The following SPIDR variants were observed in gnomAD, a reference collection of about 807,000 sequenced individuals.
SPIDR encodes the protein DNA repair-scaffolding protein.
In SPIDR, 93 loss-of-function variants were observed where a neutral mutation model predicts 104.6. The observed-to-expected ratio is 0.89, with a 90% CI of 0.75 to 1.06. The LOEUF (loss-of-function observed/expected upper bound fraction) is 1.06. Among genes scored for constraint, SPIDR ranks in the 50% least tolerant of loss-of-function variants. SPIDR has a pLI of 0.00. For synonymous variants in SPIDR, 431 were observed against 416.9 expected (o/e 1.03, Z -0.41); for missense variants, 1,154 against 1,111.2 (o/e 1.04, Z -0.55).
chr8:47,412,468 C>T lies in SPIDR; in HGVS notation c.877+4507C>T, dbSNP rs562598968. On this transcript the variant is annotated intron_variant, in intron 7 of 19. Coordinates refer to ENST00000297423, the MANE Select transcript of SPIDR (RefSeq NM_001080394.4). ...GTGTGGTAACTCTCCTCTTCAAGTCCGATAAAAAGAATGCTTTCTTTCCAA... is the reference window on the plus strand; with the variant it reads ...GTGTGGTAACTCTCCTCTTCAAGTCTGATAAAAAGAATGCTTTCTTTCCAA... Among the ~76,000 whole-genome samples the T allele has an allele frequency of 1.2e-4, 19 of 152,198 alleles. No individual in the cohort carries two copies. The East Asian group carries it at 1.4e-3, about 11-fold the overall frequency.
At chr8:47,349,861 C>T (rs1237225620) in intron 5 of SPIDR, among the ~76,000 whole-genome samples, 1 of 152,206 alleles carries the variant, frequency 6.6e-6, no homozygotes, top group African/African-American at 2.4e-5. Flanking sequence ...CCCGATTTTC[C>T]AGGGACCATC....
At chr8:47,659,496 C>G (rs1055629659) in intron 10 of SPIDR, among the ~76,000 whole-genome samples, 1 of 152,170 alleles carries the variant, frequency 6.6e-6, no homozygotes, top group African/African-American at 2.4e-5. Context: ...ACTTTGGGAG[C>G]GCAGAGGCTG....
chr8:47,634,263 C>A (rs2067538713), intron 10 of SPIDR, among the ~76,000 whole-genome samples: 2 of 152,074 alleles, frequency 1.3e-5, no homozygotes, highest in South Asian at 4.2e-4. Context: ...ACCAGCCTGG[C>A]CAAGATGGTG....
chr8:47,612,359 C>A (rs1226829589), intron 10 of SPIDR, among the ~76,000 whole-genome samples: 2 of 152,186 alleles, frequency 1.3e-5, no homozygotes, highest in Non-Finnish European at 2.9e-5. Flanking sequence ...AAGTGGGAAA[C>A]TGCAGTGACA....
intron 1 of SPIDR, among the ~76,000 whole-genome samples, chr8:47,275,843 G>A (rs1434646826): frequency 6.6e-6 from 1 of 151,844 alleles, no homozygotes; most frequent in African/African-American, 2.4e-5. Flanking sequence ...TGTGTTTTTT[G>A]TTTTTGTTTT....
chr8:47,305,716 AG>A (rs2042983277), intron 5 of SPIDR, among the ~76,000 whole-genome samples: 3 of 152,174 alleles, frequency 2.0e-5, no homozygotes, highest in African/African-American at 7.2e-5. Flanking sequence ...TTTAATAGTG[AG>A]TTAGAATAAA....
chr8:47,653,149 C>G (rs188505579), intron 10 of SPIDR, among the ~76,000 whole-genome samples: 5 of 152,128 alleles, frequency 3.3e-5, no homozygotes, highest in Non-Finnish European at 7.4e-5. Flanking sequence ...AGGCTTTATT[C>G]CCTCCAAGAA....
chr8:47,608,812 C>T (rs2063281716), intron 10 of SPIDR, among the ~76,000 whole-genome samples: 1 of 152,250 alleles, frequency 6.6e-6, no homozygotes, highest in Non-Finnish European at 1.5e-5. Flanking sequence ...CAACCTCGGC[C>T]TCCTGGTTCC....
At chr8:47,314,240 C>T (rs1484962416) in intron 5 of SPIDR, among the ~76,000 whole-genome samples, 1 of 151,606 alleles carries the variant, frequency 6.6e-6, no homozygotes, top group African/African-American at 2.4e-5. Flanking sequence ...CTAGAACAAA[C>T]ACTGGAAAAG....
intron 8 of SPIDR, among the ~76,000 whole-genome samples, chr8:47,583,969 C>T (rs1217426904): frequency 1.3e-5 from 2 of 152,198 alleles, no homozygotes; most frequent in Non-Finnish European, 2.9e-5. Context: ...TTCCCAGTCC[C>T]CTGTCACCGT....
At chr8:47,299,629 A>G (rs1299262830) in intron 5 of SPIDR, among the ~76,000 whole-genome samples, 1 of 152,214 alleles carries the variant, frequency 6.6e-6, no homozygotes, top group African/African-American at 2.4e-5. Flanking sequence ...CGTCCCATCA[A>G]TACCTAATTT....
In SPIDR at chr8:47,335,643, G is replaced by T. The variant is rs532142164; in HGVS notation, c.525+41613G>T. On this transcript the variant is annotated intron_variant, in intron 5 of 19. Coordinates refer to ENST00000297423, the MANE Select transcript of SPIDR (RefSeq NM_001080394.4). ...TTTTTATATTTTTAGTAAAGACGGG[G>T]TTTTGCCATGGTGGCCAGGCTGGTC... 2.1e-4 allele frequency among the ~76,000 whole-genome samples: 32 copies of T among 152,278 alleles called. No individual in the cohort carries two copies. In the South Asian group the frequency reaches 6.6e-3, roughly 32 times the overall value.
chr8:47,314,470 G>T lies in SPIDR; in HGVS notation c.525+20440G>T, dbSNP rs1480121002. Among the ~76,000 whole-genome samples, 3 of 152,152 alleles carry T rather than the reference G, an allele frequency of 2.0e-5. No individual in the cohort carries two copies. In the East Asian group the frequency reaches 5.8e-4, roughly 29 times the overall value. On this transcript the variant is annotated intron_variant, in intron 5 of 19. Transcript: ENST00000297423. ...TTAATTGACCCAGTTCAGCATGGCT[G>T]GGGAGGCCTCAGGAAACTTACAATC...
intron 10 of SPIDR, among the ~76,000 whole-genome samples, chr8:47,622,253 C>T (rs1390988131): frequency 6.6e-6 from 1 of 152,132 alleles, no homozygotes; most frequent in Non-Finnish European, 1.5e-5. Context: ...ACAAAAAGGT[C>T]TAAAGATGGC....
At chr8:47,421,327 C>T (rs1426083412) in intron 7 of SPIDR, among the ~76,000 whole-genome samples, 28 of 152,246 alleles carry the variant, frequency 1.8e-4, no homozygotes, top group East Asian at 1.4e-3. Flanking sequence ...TCTTTTTTCT[C>T]TAAACTTCTC....
In SPIDR at chr8:47,518,730, G is replaced by A. The variant is rs371657212; in HGVS notation, c.1098-77081G>A. Among the ~76,000 whole-genome samples the A allele has an allele frequency of 2.7e-3, 410 of 151,380 alleles. 3 individuals carry two copies. The highest frequency in any genetic ancestry group is 0.023 in the South Asian group (109 of 4,804). On this transcript the variant is annotated intron_variant, in intron 8 of 19. Coordinates refer to ENST00000297423, the MANE Select transcript of SPIDR (RefSeq NM_001080394.4). ...CGGCTCACTGCAAGCTCTGCCTCCC[G>A]AGTTCACGCCATTCTCCTGCCTCAG...
chr8:47,393,875 T>A (rs1243794419), intron 5 of SPIDR, among the ~76,000 whole-genome samples: 4 of 151,020 alleles, frequency 2.6e-5, no homozygotes, highest in Non-Finnish European at 2.9e-5. Flanking sequence ...CTTCCGTCCT[T>A]TGTCCTTTGT....
intron 8 of SPIDR, among the ~76,000 whole-genome samples, chr8:47,540,245 G>A (rs1452534480): frequency 1.3e-5 from 2 of 152,174 alleles, no homozygotes; most frequent in Admixed American, 1.3e-4. Context: ...TTTCTCCTTT[G>A]ATGGAGAGTG....
chr8:47,422,530 G>T (rs1012061786), intron 7 of SPIDR, among the ~76,000 whole-genome samples: 13 of 152,352 alleles, frequency 8.5e-5, no homozygotes, highest in African/African-American at 3.1e-4. Context: ...AGCTAGGAAA[G>T]GGAATTCCCT....
Sources: gnomAD v4.1 joint callset for allele counts (sites outside exome capture counted in the v4.1 genomes callset) on GRCh38, gnomAD v4.1.1 for gene constraint, MANE v1.5 for transcripts, NCBI Gene and HGNC (gene_info 2026-07-23, HGNC 2026-07-21) for gene names.